Variants in CTNND2 observed in about 807,000 individuals in gnomAD.
CTNND2 encodes the protein catenin delta 2, also known as catenin delta-2.
A neutral mutation model predicts 144.4 loss-of-function variants in CTNND2; 22 were observed. The observed-to-expected ratio is 0.15, with a 90% confidence interval of 0.11 to 0.22. The LOEUF (loss-of-function observed/expected upper bound fraction) is 0.22. Ranked by LOEUF, CTNND2 falls within the 10% of genes least tolerant of loss-of-function variation. CTNND2 has a pLI of 1.00. For missense variants in CTNND2, 1,353 were observed against 1,618.8 expected (o/e 0.84, Z 2.82); for synonymous variants, 751 against 695.6 (o/e 1.08, Z -1.25).
intron 1 of CTNND2, among the ~76,000 whole-genome samples, chr5:11,749,675 T>C (rs1384534236): frequency 1.3e-5 from 2 of 152,078 alleles, no homozygotes; most frequent in African/African-American, 2.4e-5. Flanking sequence ...ACTTAGTATA[T>C]ATACACATTT....
chr5:11,648,818 T>C (rs1482045458), intron 2 of CTNND2, among the ~76,000 whole-genome samples: 1 of 152,170 alleles, frequency 6.6e-6, no homozygotes, highest in East Asian at 1.9e-4. Flanking sequence ...AATTTATAAG[T>C]AAAATGCTTA....
chr5:11,898,055 G>A (rs1423470990), intron 1 of CTNND2, among the ~76,000 whole-genome samples: 1 of 152,194 alleles, frequency 6.6e-6, no homozygotes, highest in Non-Finnish European at 1.5e-5. Context: ...CTCAGAAAAA[G>A]CTCTGTCCCT....
intron 3 of CTNND2, among the ~76,000 whole-genome samples, chr5:11,541,699 CTGTTT>C (rs1443565998): frequency 6.6e-6 from 1 of 152,168 alleles, no homozygotes; most frequent in Non-Finnish European, 1.5e-5. Context: ...ACTGAATTGA[CTGTTT>C]TATTTGCCCA....
At chr5:11,692,924 TAGAA>T (rs1784976956) in intron 2 of CTNND2, among the ~76,000 whole-genome samples, 1 of 152,186 alleles carries the variant, frequency 6.6e-6, no homozygotes, top group Non-Finnish European at 1.5e-5. Flanking sequence ...TTAAAAGACT[TAGAA>T]AGTCTCACTG....
intron 9 of CTNND2, among the ~76,000 whole-genome samples, chr5:11,291,367 T>G (rs778341880): frequency 1.3e-5 from 2 of 152,190 alleles, no homozygotes; most frequent in South Asian, 4.1e-4. Flanking sequence ...TGCCATTGGA[T>G]TTTTCTCTGC....
chr5:11,729,282 G>T (rs1194284591), intron 2 of CTNND2, among the ~76,000 whole-genome samples: 1 of 151,670 alleles, frequency 6.6e-6, no homozygotes, highest in Non-Finnish European at 1.5e-5. Context: ...ATATAGTTTG[G>T]CTGTGTCCCC....
At chr5:11,081,915 G>A (rs112840639) in intron 16 of CTNND2, among the ~76,000 whole-genome samples, 1 of 152,184 alleles carries the variant, frequency 6.6e-6, no homozygotes, top group African/African-American at 2.4e-5. Flanking sequence ...GGTGGTGATT[G>A]TACAACATTA....
chr5:11,391,784 C>G (rs1180874023), intron 6 of CTNND2, among the ~76,000 whole-genome samples: 1 of 152,172 alleles, frequency 6.6e-6, no homozygotes, highest in African/African-American at 2.4e-5. Context: ...TACACCTTCC[C>G]TGAAGTCATC....
At chr5:11,660,396 T>C (rs1051621337) in intron 2 of CTNND2, among the ~76,000 whole-genome samples, 4 of 152,182 alleles carry the variant, frequency 2.6e-5, no homozygotes, top group Non-Finnish European at 4.4e-5. Context: ...AAGGGATATC[T>C]GACTCTGGGA....
At chr5:11,520,936 T>C (rs1046572151) in intron 3 of CTNND2, among the ~76,000 whole-genome samples, 3 of 152,258 alleles carry the variant, frequency 2.0e-5, no homozygotes, top group Non-Finnish European at 4.4e-5. Flanking sequence ...AATGTGATTA[T>C]ATAAACCTAA....
chr5:11,253,026 C>T (rs906185626), intron 9 of CTNND2, among the ~76,000 whole-genome samples: 1 of 152,158 alleles, frequency 6.6e-6, no homozygotes, highest in Non-Finnish European at 1.5e-5. Flanking sequence ...AATATCTCTG[C>T]TATGCTTTCT....
intron 2 of CTNND2, among the ~76,000 whole-genome samples, chr5:11,624,591 T>C (rs1260406285): frequency 6.6e-6 from 1 of 152,114 alleles, no homozygotes; most frequent in African/African-American, 2.4e-5. Context: ...TAATTTCAAG[T>C]ACAAAATTAA....
At chr5:11,046,143 C>T (rs1022948655) in intron 16 of CTNND2, among the ~76,000 whole-genome samples, 7 of 152,042 alleles carry the variant, frequency 4.6e-5, no homozygotes, top group African/African-American at 9.7e-5. Flanking sequence ...CCTCAGAATG[C>T]GGCCTTATGT....
intron 9 of CTNND2, among the ~76,000 whole-genome samples, chr5:11,268,320 T>C (rs560053980): frequency 6.6e-6 from 1 of 152,328 alleles, no homozygotes; most frequent in East Asian, 1.9e-4. Flanking sequence ...CGGTAGCTCA[T>C]GCCTGCAATC....
intron 9 of CTNND2, among the ~76,000 whole-genome samples, chr5:11,338,682 A>G (rs1753955980): frequency 6.6e-6 from 1 of 152,188 alleles, no homozygotes; most frequent in Non-Finnish European, 1.5e-5. Flanking sequence ...TTAGGTGGGT[A>G]TATTTAGGTA....
intron 2 of CTNND2, among the ~76,000 whole-genome samples, chr5:11,573,360 A>G (rs1282641934): frequency 6.6e-6 from 1 of 152,074 alleles, no homozygotes; most frequent in Non-Finnish European, 1.5e-5. Flanking sequence ...TGCCTGGGTG[A>G]TCTTTTTTCT....
chr5:11,320,056 C>A (rs971456544), intron 9 of CTNND2, among the ~76,000 whole-genome samples: 5 of 152,156 alleles, frequency 3.3e-5, no homozygotes, highest in African/African-American at 9.7e-5. Context: ...AAACGACACC[C>A]AGCGGTTCTG....
At chr5:11,341,364 G>A (rs138838578) in intron 9 of CTNND2, among the ~76,000 whole-genome samples, 49 of 152,334 alleles carry the variant, frequency 3.2e-4, no homozygotes, top group African/African-American at 1.1e-3. Flanking sequence ...TGAGGGGCCT[G>A]TTGCTCAAGG....
intron 2 of CTNND2, among the ~76,000 whole-genome samples, chr5:11,685,740 T>TGCAAGTATATTGTA (rs1174461214): frequency 6.6e-6 from 1 of 152,248 alleles, no homozygotes; most frequent in Non-Finnish European, 1.5e-5. Context: ...GCAATATTAT[T>TGCAAGTATATTGTA]GATCTCTACA....
Sources: allele counts gnomAD v4.1 joint callset (sites outside exome capture counted in the v4.1 genomes callset), GRCh38; gene constraint gnomAD v4.1.1; transcripts MANE v1.5; gene names NCBI Gene and HGNC (gene_info 2026-07-23, HGNC 2026-07-21).